GLI3: variants seen among roughly 807,000 people sequenced by gnomAD.
GLI3 encodes transcription activator GLI3.
GLI3 carries 20 observed loss-of-function variants against 100.8 expected under a neutral mutation model. The ratio of observed to expected loss-of-function variants is 0.20; its 90% CI spans 0.14 to 0.29. The LOEUF (loss-of-function observed/expected upper bound fraction) is 0.29. GLI3 is among the 10% of genes least tolerant of loss of function. GLI3 has a pLI of 1.00. For missense variants in GLI3, 2,040 were observed against 2,128.5 expected (o/e 0.96, Z 0.82); for synonymous variants, 938 against 860.5 (o/e 1.09, Z -1.58).
In GLI3 at chr7:42,197,511, G is replaced by A. The variant is rs1787950843; in HGVS notation, c.124+25619C>T. On this transcript the variant is annotated intron_variant, in intron 2 of 14. Transcript: ENST00000395925. ...AGAGAGCAGGGGGAGTTGACCACTG[G>A]ATGGCCTTGGGGCCATATGTTCAAG... Among the ~76,000 whole-genome samples, 4 of 152,204 alleles carry A rather than the reference G, an allele frequency of 2.6e-5. No individual in the cohort carries two copies. In the South Asian group the frequency reaches 8.3e-4, roughly 31 times the overall value.
At chr7:42,036,449 A>G (rs1789440728) in intron 7 of GLI3, among the ~76,000 whole-genome samples, 1 of 152,208 alleles carries the variant, frequency 6.6e-6, no homozygotes, top group South Asian at 2.1e-4. Context: ...GTACACAGTG[A>G]TTGGCTTTTT....
chr7:42,226,282 C>G (rs2128703757), intron 1 of GLI3, among the ~76,000 whole-genome samples: 1 of 152,260 alleles, frequency 6.6e-6, no homozygotes, highest in Middle Eastern at 3.4e-3. Context: ...GATGGGATTC[C>G]TAGTAAGAAC....
At position 42,262,223 on chromosome 7, in the gene GLI3, T is replaced by TC. The variant is rs1562803637; in HGVS notation, c.-43+1770dup. ...TTCCTTCCTTCTTTCCTTCCTTCCT[T>TC]CTTTCCTTCCTTCCTTCCTTCCTTT... On this transcript the variant is annotated intron_variant, in intron 1 of 2. Transcript: ENST00000678978. Among the ~76,000 whole-genome samples, 1,273 of 134,886 alleles carry TC rather than the reference T, an allele frequency of 9.4e-3. 49 individuals are homozygous for TC. Among genetic ancestry groups the TC allele is most frequent in the African/African-American group, 0.036 (1,226 of 33,692 alleles). 88.5% of individuals were successfully genotyped at this position (134,886 alleles called of 152,430 possible). A position where few individuals can be genotyped will look rare whatever the true frequency, so the allele number is the denominator to read the frequency against.
chr7:41,981,837 A>G (rs1787676310), intron 10 of GLI3, among the ~76,000 whole-genome samples: 1 of 152,204 alleles, frequency 6.6e-6, no homozygotes, highest in African/African-American at 2.4e-5. Flanking sequence ...CAACCAGCGG[A>G]GGAGGGCAGT....
At chr7:42,058,136 A>C (rs190030878) in intron 4 of GLI3, among the ~76,000 whole-genome samples, 2 of 152,330 alleles carry the variant, frequency 1.3e-5, no homozygotes, top group Admixed American at 6.5e-5. Flanking sequence ...TAACTAAAAA[A>C]AGAAGAAAAC....
At chr7:42,149,317 T>C (rs1009220274) in intron 2 of GLI3, among the ~76,000 whole-genome samples, 15 of 152,198 alleles carry the variant, frequency 9.9e-5, no homozygotes, top group African/African-American at 3.6e-4. Context: ...TTGAAGAAAT[T>C]CCATATACAG....
intron 2 of GLI3, among the ~76,000 whole-genome samples, chr7:42,190,118 G>A (rs753955707): frequency 3.4e-5 from 5 of 145,274 alleles, no homozygotes; most frequent in Non-Finnish European, 6.0e-5. Flanking sequence ...CAAAGTCAGC[G>A]GCATGAATAT....
chr7:42,183,862 TC>T (rs1239024024), intron 2 of GLI3, among the ~76,000 whole-genome samples: 3 of 152,016 alleles, frequency 2.0e-5, no homozygotes, highest in Non-Finnish European at 4.4e-5. Context: ...CTAGCTCTCC[TC>T]CTGCCCCACA....
intron 10 of GLI3, among the ~76,000 whole-genome samples, chr7:42,023,123 G>A (rs1788989523): frequency 6.6e-6 from 1 of 152,164 alleles, no homozygotes; most frequent in African/African-American, 2.4e-5. Flanking sequence ...GTCTTGGAAG[G>A]GGAATCAAAC....
At chr7:42,227,285 T>G (rs1788600087) in intron 1 of GLI3, among the ~76,000 whole-genome samples, 1 of 149,936 alleles carries the variant, frequency 6.7e-6, no homozygotes. Flanking sequence ...AGGGGAAAAA[T>G]GTTTGTAGCT....
At position 42,237,100 on chromosome 7, in the gene GLI3, G is replaced by C. The variant is rs961570936; in HGVS notation, c.-172C>G. 4.8e-5 allele frequency: 7 copies of C among 147,188 alleles called. No homozygotes were observed. 9.1% of individuals were successfully genotyped at this position (147,188 alleles called of 1,614,324 possible). Reference sequence around the variant, plus strand: ...CCGCGAGCGGCCGGGCTGGGCGCGGGGTGCGCCCGCCGCGGGCATGGTGCG... The same window carrying C: ...CCGCGAGCGGCCGGGCTGGGCGCGGCGTGCGCCCGCCGCGGGCATGGTGCG... On this transcript the variant is annotated 5_prime_UTR_variant, in exon 1 of 15. Coordinates refer to ENST00000395925, the MANE Select transcript of GLI3 (RefSeq NM_000168.6).
At chr7:42,124,890 C>T (rs1346360028) in intron 3 of GLI3, among the ~76,000 whole-genome samples, 1 of 152,064 alleles carries the variant, frequency 6.6e-6, no homozygotes, top group Non-Finnish European at 1.5e-5. Flanking sequence ...TAAAATCTAG[C>T]GGTTTGATTT....
At chr7:42,144,943 G>C (rs1786666245) in intron 3 of GLI3, among the ~76,000 whole-genome samples, 1 of 152,154 alleles carries the variant, frequency 6.6e-6, no homozygotes, top group African/African-American at 2.4e-5. Flanking sequence ...TTCTGAACTT[G>C]AGCTACTGAA....
chr7:42,030,417 T>A (rs1006270708), intron 7 of GLI3, among the ~76,000 whole-genome samples: 1 of 152,138 alleles, frequency 6.6e-6, no homozygotes, highest in South Asian at 2.1e-4. Context: ...CCTACCACAC[T>A]CAAAAGAGTC....
At chr7:41,988,962 G>A (rs1787904326) in intron 10 of GLI3, among the ~76,000 whole-genome samples, 1 of 152,168 alleles carries the variant, frequency 6.6e-6, no homozygotes. Flanking sequence ...GTCCTATTGT[G>A]ATTTTACATG....
intron 4 of GLI3, among the ~76,000 whole-genome samples, chr7:42,069,239 G>T (rs1337229672): frequency 6.6e-6 from 1 of 152,170 alleles, no homozygotes; most frequent in Non-Finnish European, 1.5e-5. Flanking sequence ...ACTGAGGACC[G>T]AATTCAGTAT....
rs376816958 is a variant in GLI3 at position 42,134,675 on chromosome 7, C to T, written c.367+13551G>A. ...GCACCACCCTCAGAATATGACAGCACGTGCCAACATCACTGAAGGGCCTTG... is the reference window on the plus strand; with the variant it reads ...GCACCACCCTCAGAATATGACAGCATGTGCCAACATCACTGAAGGGCCTTG... On this transcript the variant is annotated intron_variant, in intron 3 of 14. Transcript: ENST00000395925. Among the ~76,000 whole-genome samples, 9 of 152,062 alleles carry T rather than the reference C, an allele frequency of 5.9e-5. No individual in the cohort carries two copies. In the East Asian group the frequency reaches 9.6e-4, roughly 16 times the overall value.
chr7:41,984,945 T>C (rs1465042168), intron 10 of GLI3, among the ~76,000 whole-genome samples: 1 of 152,242 alleles, frequency 6.6e-6, no homozygotes, highest in African/African-American at 2.4e-5. Flanking sequence ...CAAACACCCA[T>C]GTGCACACAC....
At position 42,004,509 on chromosome 7, in the gene GLI3, A is replaced by T. The variant is rs578057225; in HGVS notation, c.1497+18959T>A. ...TGCTATTAAAAGCAATGACCAGGAA[A>T]GGAAAAATGCATACAGAAAAAAACT... On this transcript the variant is annotated intron_variant, in intron 10 of 14. Coordinates refer to ENST00000395925, the MANE Select transcript of GLI3 (RefSeq NM_000168.6). Among the ~76,000 whole-genome samples, 3 of 152,310 alleles carry T rather than the reference A, an allele frequency of 2.0e-5. No homozygotes were observed. In the South Asian group the frequency reaches 6.2e-4, roughly 32 times the overall value.
Sources: gnomAD v4.1 joint callset for allele counts (sites outside exome capture counted in the v4.1 genomes callset) on GRCh38, gnomAD v4.1.1 for gene constraint, MANE v1.5 for transcripts, NCBI Gene and HGNC (gene_info 2026-07-23, HGNC 2026-07-21) for gene names.